TRERF1: variants seen among roughly 807,000 people sequenced by gnomAD.
TRERF1 encodes transcriptional regulating factor 1.
In TRERF1, 27 loss-of-function variants were observed where a neutral mutation model predicts 122.9. The ratio of observed to expected loss-of-function variants is 0.22; its 90% CI spans 0.16 to 0.30. The LOEUF is 0.30. TRERF1 is among the 10% of genes least tolerant of loss of function. TRERF1 has a pLI of 1.00. For missense variants in TRERF1, 1,248 were observed against 1,560.3 expected (o/e 0.80, Z 3.37); for synonymous variants, 636 against 641.7 (o/e 0.99, Z 0.13).
intron 3 of TRERF1, among the ~76,000 whole-genome samples, chr6:42,338,755 G>A (rs1766683555): frequency 6.6e-6 from 1 of 152,116 alleles, no homozygotes; most frequent in Non-Finnish European, 1.5e-5. Context: ...GGCTAGAATG[G>A]GACCTACCAG....
intron 3 of TRERF1, among the ~76,000 whole-genome samples, chr6:42,326,352 C>T (rs145870443): frequency 9.2e-5 from 14 of 152,264 alleles, no homozygotes; most frequent in African/African-American, 2.9e-4. Context: ...GCAGGTCTGA[C>T]GCCCGTCTCT....
intron 2 of TRERF1, among the ~76,000 whole-genome samples, chr6:42,423,129 G>A (rs549378682): frequency 5.3e-5 from 8 of 152,224 alleles, no homozygotes; most frequent in Non-Finnish European, 1.0e-4. Flanking sequence ...ATGAGCCACC[G>A]TGCCCAGCCA....
chr6:42,316,581 A>C (rs1432035651), intron 3 of TRERF1, among the ~76,000 whole-genome samples: 2 of 152,208 alleles, frequency 1.3e-5, no homozygotes, highest in Non-Finnish European at 2.9e-5. Flanking sequence ...CTCTAGCCTC[A>C]CAAGCCAGCT....
intron 2 of TRERF1, among the ~76,000 whole-genome samples, chr6:42,413,758 C>T (rs1049103882): frequency 5.3e-5 from 8 of 152,044 alleles, no homozygotes; most frequent in African/African-American, 1.7e-4. Flanking sequence ...AGCTCTAGAC[C>T]CAAGGAGCTT....
At chr6:42,231,090 T>C (rs1350957574) in intron 17 of TRERF1, among the ~76,000 whole-genome samples, 3 of 152,208 alleles carry the variant, frequency 2.0e-5, no homozygotes, top group Non-Finnish European at 4.4e-5. Flanking sequence ...CTAATGCAGC[T>C]ATGTTGGAAG....
intron 1 of TRERF1, 26 bp from the exon 2 acceptor site, chr6:42,451,287 TTA>T (rs1481777434): frequency 6.5e-6 from 1 of 153,066 alleles, no homozygotes; most frequent in Non-Finnish European, 1.5e-5. Flanking sequence ...CAATATTAAT[TTA>T]TGTCAGCCGC....
intron 8 of TRERF1, among the ~76,000 whole-genome samples, chr6:42,261,648 C>T (rs1463472181): frequency 6.6e-6 from 1 of 152,120 alleles, no homozygotes; most frequent in Non-Finnish European, 1.5e-5. Context: ...TGGCTAGGAG[C>T]CAAACTGAGA....
intron 13 of TRERF1, among the ~76,000 whole-genome samples, chr6:42,249,914 G>A (rs541758534): frequency 7.9e-5 from 12 of 152,292 alleles, no homozygotes; most frequent in Admixed American, 1.3e-4. Context: ...ATTACCCACC[G>A]AGGCTGAGAG....
At chr6:42,437,177 C>G (rs776996695) in intron 2 of TRERF1, among the ~76,000 whole-genome samples, 1 of 152,248 alleles carries the variant, frequency 6.6e-6, no homozygotes, top group South Asian at 2.1e-4. Flanking sequence ...TAGGGACACA[C>G]AAGGGCACTC....
chr6:42,243,770 C>T (rs546298150), intron 14 of TRERF1, among the ~76,000 whole-genome samples: 33 of 151,514 alleles, frequency 2.2e-4, no homozygotes, highest in African/African-American at 7.3e-4. Context: ...TTAGTAGAGA[C>T]GGGGTTTCAT....
At chr6:42,389,883 A>C (rs752603283) in intron 2 of TRERF1, among the ~76,000 whole-genome samples, 17 of 152,228 alleles carry the variant, frequency 1.1e-4, no homozygotes, top group Non-Finnish European at 1.8e-4. Context: ...TCTTCAAATG[A>C]GAAGCTAGTT....
chr6:42,231,836 G>A (rs1770600129), intron 17 of TRERF1, among the ~76,000 whole-genome samples: 1 of 152,152 alleles, frequency 6.6e-6, no homozygotes, highest in African/African-American at 2.4e-5. Flanking sequence ...ACAAAACTGG[G>A]TTCAAATCTC....
intron 5 of TRERF1, among the ~76,000 whole-genome samples, chr6:42,266,111 G>A (rs948960526): frequency 1.3e-5 from 2 of 151,716 alleles, no homozygotes; most frequent in Admixed American, 6.6e-5. Flanking sequence ...TGCACAGACA[G>A]ACTCCATTCC....
intron 3 of TRERF1, among the ~76,000 whole-genome samples, chr6:42,341,928 C>A (rs1190848256): frequency 6.6e-6 from 1 of 152,202 alleles, no homozygotes; most frequent in Non-Finnish European, 1.5e-5. Flanking sequence ...CAATCCCAGG[C>A]TTTGGTAATT....
intron 2 of TRERF1, among the ~76,000 whole-genome samples, chr6:42,445,355 C>CACACAG (rs371931073): frequency 0.15 from 10,766 of 69,472 alleles, 496 homozygotes; most frequent in Middle Eastern, 0.28. Context: ...CACACACAGA[C>CACACAG]ACACACACAC....
At chr6:42,445,485 C>T (rs573959696) in intron 2 of TRERF1, among the ~76,000 whole-genome samples, 22 of 152,132 alleles carry the variant, frequency 1.4e-4, no homozygotes, top group African/African-American at 5.1e-4. Context: ...CTCTCCATGC[C>T]GATGGCTCCC....
chr6:42,248,380 T>C (rs1341321671), intron 13 of TRERF1, among the ~76,000 whole-genome samples: 1 of 150,032 alleles, frequency 6.7e-6, no homozygotes, highest in Non-Finnish European at 1.5e-5. Context: ...GGAGATGGAG[T>C]CTTGCTCTGT....
In TRERF1 at chr6:42,315,542, G is replaced by T. The variant is rs571799930; in HGVS notation, c.-370-14793C>A. Among the ~76,000 whole-genome samples the T allele has an allele frequency of 1.7e-3, 257 of 152,270 alleles. 1 individual carries two copies. The highest frequency in any genetic ancestry group is 5.8e-3 in the African/African-American group (241 of 41,560). Reference sequence around the variant, plus strand: ...CAGAAGCAGGGGTAGAGGCAAAGAGGCTGTGACGAGGTCACCCTAACCTAA... The same window carrying T: ...CAGAAGCAGGGGTAGAGGCAAAGAGTCTGTGACGAGGTCACCCTAACCTAA... On this transcript the variant is annotated intron_variant, in intron 3 of 17. Coordinates refer to ENST00000372922, the Ensembl canonical transcript of TRERF1.
Position 42,393,144 on chromosome 6 carries a change from G to T in TRERF1, c.-453-30065C>A, listed in dbSNP as rs1290978737. On this transcript the variant is annotated intron_variant, in intron 2 of 17. Transcript: ENST00000372922. The surrounding 1 kb of genome is among the most constrained non-coding windows in gnomAD (Gnocchi z 4.1). ...TCAATAATCTCTCAAACAGGTCAAG[G>T]GCTGTGGGCCAAGTGGTCAGTGCTA... 6.6e-6 allele frequency among the ~76,000 whole-genome samples: 1 copy of T among 152,192 alleles called. No individual in the cohort carries two copies. The highest frequency in any genetic ancestry group is 1.9e-4 in the East Asian group (1 of 5,190).
Sources: gnomAD v4.1 joint callset for allele counts (sites outside exome capture counted in the v4.1 genomes callset) on GRCh38, gnomAD v4.1.1 for gene constraint, Gnocchi (gnomAD v3.1) non-coding constraint, MANE v1.5 for transcripts, NCBI Gene and HGNC (gene_info 2026-07-23, HGNC 2026-07-21) for gene names.